The following SCN8A variants were observed in gnomAD, a reference collection of about 807,000 sequenced individuals.
The protein encoded by SCN8A is sodium channel protein type 8 subunit alpha.
A neutral mutation model predicts 184.1 loss-of-function variants in SCN8A; 30 were observed. The observed-to-expected ratio is 0.16, with a 90% CI of 0.12 to 0.22. The LOEUF (loss-of-function observed/expected upper bound fraction) is 0.22, where lower values mean the gene tolerates loss of function less well. Ranked by LOEUF, SCN8A falls within the 10% of genes least tolerant of loss-of-function variation. The pLI is 1.00. For synonymous variants in SCN8A, 852 were observed against 907.0 expected (o/e 0.94, Z 1.09); for missense variants, 1,057 against 2,498.9 (o/e 0.42, Z 12.30).
rs562941935 is a variant in SCN8A, at chr12:51,618,015, C to CTCT, written c.-55+26658_-55+26660dup. ...ATATACAGCCTTATTGAGCTCCTTT[C>CTCT]TCTTGTTGTTTCCCAGACTTTCCAG... On this transcript the variant is annotated intron_variant, in intron 1 of 26. Transcript: ENST00000627620. 1.1e-4 allele frequency among the ~76,000 whole-genome samples: 17 copies of CTCT among 152,248 alleles called. No homozygotes were observed. In the East Asian group the frequency reaches 1.7e-3, roughly 16 times the overall value.
intron 20 of SCN8A, among the ~76,000 whole-genome samples, chr12:51,779,403 T>G (rs554304845): frequency 6.6e-6 from 1 of 152,266 alleles, no homozygotes; most frequent in East Asian, 1.9e-4. Context: ...AGAGCTCTGG[T>G]AGAACAAGGT....
rs755154133 is a variant in SCN8A, at chr12:51,706,429, C to T, written c.1349C>T (p.Ala450Val). ...KKQQEEAQAA[A>V]MATSAGTVSE... is the part of the protein sequence containing the mutation. ...CTGTGGCTTCTTTCCTAGGCTGCTG[C>T]GATGGCCACTTCAGCAGGAACTGTC... The change falls in exon 11 of 27, where the codon GCG (alanine) becomes GTG (valine). Residue 450 changes from alanine (A) to valine (V), a missense_variant. By Grantham distance (64) the Ala-to-Val change is moderately conservative (BLOSUM62 0). Coordinates refer to ENST00000627620, the MANE Select transcript of SCN8A (RefSeq NM_001330260.2). 1.3e-5 allele frequency: 21 copies of T among 1,581,298 alleles called. 1 individual carries two copies. The highest frequency in any genetic ancestry group is 2.3e-5 in the East Asian group (1 of 43,898).
intron 21 of SCN8A, among the ~76,000 whole-genome samples, chr12:51,781,658 A>ACG (rs761801369): frequency 6.6e-6 from 1 of 152,070 alleles, no homozygotes; most frequent in Non-Finnish European, 1.5e-5. Flanking sequence ...ACGCGCACGC[A>ACG]CGCGCACACA....
At chr12:51,725,061 G>A (rs1286625188) in intron 12 of SCN8A, among the ~76,000 whole-genome samples, 1 of 152,190 alleles carries the variant, frequency 6.6e-6, no homozygotes, top group Non-Finnish European at 1.5e-5. Context: ...TGAGGATGGT[G>A]ACAGACTTGA....
At chr12:51,768,731 A>G in intron 16 of SCN8A, 134 bp from the exon 17 acceptor site, 1 of 655,476 alleles carries the variant, frequency 1.5e-6, no homozygotes, top group Non-Finnish European at 2.5e-6. Context: ...TTAAAATACT[A>G]CGTGGGCCAA....
intron 11 of SCN8A, chr12:51,712,420 G>A (rs1287707575): frequency 9.3e-6 from 7 of 756,244 alleles, no homozygotes; most frequent in Admixed American, 3.5e-5. Flanking sequence ...ACAGCTCCTC[G>A]CGCTCTCTCC....
intron 1 of SCN8A, among the ~76,000 whole-genome samples, chr12:51,634,512 GTTA>G (rs1377836350): frequency 6.6e-6 from 1 of 152,052 alleles, no homozygotes; most frequent in African/African-American, 2.4e-5. Flanking sequence ...ACTTTTGAAT[GTTA>G]TTGGCAAAGG....
In SCN8A at chr12:51,721,710, C is replaced by T. The variant is rs753062719; in HGVS notation, c.1800C>T (p.Ser600=). The T allele has an allele frequency of 1.3e-6, 2 of 1,591,148 alleles. No individual in the cohort carries two copies. Among genetic ancestry groups the T allele is most frequent in the Non-Finnish European group, 8.6e-7 (1 of 1,169,012 alleles). Residue 600 remains serine, a synonymous_variant, in exon 12 of 27, where the codon TCC becomes TCT. Transcript: ENST00000627620. ...TVEESEGRRD[S]LFIPIRARER... ...AGGAGAGCGAGGGCCGCCGGGACTC[C>T]CTCTTCATCCCCATCCGGGCCCGCG...
rs1238374537 is a variant in SCN8A, at chr12:51,609,827, A to AG, written c.-55+18474dup. 9.3e-3 allele frequency among the ~76,000 whole-genome samples: 154 copies of AG among 16,560 alleles called. 1 individual carries two copies. The highest frequency in any genetic ancestry group is 0.013 in the Non-Finnish European group (120 of 9,038). 10.9% of individuals were successfully genotyped at this position (16,560 alleles called of 152,430 possible). A position where few individuals can be genotyped will look rare whatever the true frequency, so the allele number is the denominator to read the frequency against. On this transcript the variant is annotated intron_variant, in intron 1 of 26. Coordinates refer to ENST00000627620, the MANE Select transcript of SCN8A (RefSeq NM_001330260.2). ...CCGGGGCCTGTTGTGGGGTGTGGGG[A>AG]GGGGGGAGGGGGGAGGGATAGCATT...
intron 1 of SCN8A, among the ~76,000 whole-genome samples, chr12:51,598,795 C>T (rs990982636): frequency 2.0e-5 from 3 of 152,042 alleles, no homozygotes; most frequent in Non-Finnish European, 4.4e-5. Flanking sequence ...ATATTGTCTC[C>T]CCCTGCTCCT....
At chr12:51,645,925 C>CAGT in intron 1 of SCN8A, among the ~76,000 whole-genome samples, 1 of 129,374 alleles carries the variant, frequency 7.7e-6, no homozygotes, top group African/African-American at 3.1e-5. Context: ...TCCCCCTCTG[C>CAGT]GAGAAACACC....
chr12:51,692,398 T>C (rs1167317636), intron 6 of SCN8A, among the ~76,000 whole-genome samples: 2 of 152,206 alleles, frequency 1.3e-5, no homozygotes, highest in Admixed American at 6.5e-5. Flanking sequence ...CTCTGCCCTT[T>C]TCTGTAAGAA....
At chr12:51,603,662 A>G (rs935419196) in intron 1 of SCN8A, among the ~76,000 whole-genome samples, 1 of 152,190 alleles carries the variant, frequency 6.6e-6, no homozygotes, top group Admixed American at 6.5e-5. Context: ...GCAGTGTATG[A>G]GAGTTCAGCA....
chr12:51,767,630 A>T (rs7976351), intron 16 of SCN8A, among the ~76,000 whole-genome samples: 12,222 of 152,266 alleles, frequency 0.08, 920 homozygotes, highest in African/African-American at 0.2. Context: ...TCACAAAAAA[A>T]GGCCAAGTCC....
At chr12:51,620,113 T>C (rs577398728) in intron 1 of SCN8A, among the ~76,000 whole-genome samples, 4 of 152,318 alleles carry the variant, frequency 2.6e-5, no homozygotes, top group South Asian at 2.1e-4. Flanking sequence ...AGTTGTCATT[T>C]AGGGTTGTTT....
chr12:51,619,273 A>G (rs982082932), intron 1 of SCN8A, among the ~76,000 whole-genome samples: 2 of 152,228 alleles, frequency 1.3e-5, no homozygotes, highest in African/African-American at 4.8e-5. Context: ...CATTTATTTA[A>G]TAAGTCCTTT....
intron 1 of SCN8A, among the ~76,000 whole-genome samples, chr12:51,629,783 A>G (rs1940160258): frequency 2.6e-5 from 4 of 152,088 alleles, no homozygotes. Context: ...AGAGGTGGGA[A>G]GGAGAAGCTG....
intron 2 of SCN8A, among the ~76,000 whole-genome samples, chr12:51,678,815 C>T (rs1941271085): frequency 6.7e-6 from 1 of 149,254 alleles, no homozygotes; most frequent in Admixed American, 6.7e-5. Flanking sequence ...TGGTGGCTCA[C>T]GCCTGTAATC....
intron 1 of SCN8A, among the ~76,000 whole-genome samples, chr12:51,619,734 T>G (rs982201380): frequency 6.6e-6 from 1 of 152,178 alleles, no homozygotes; most frequent in Non-Finnish European, 1.5e-5. Flanking sequence ...GTCAACAAGC[T>G]GTGAAAAGAA....
Sources: allele counts gnomAD v4.1 joint callset (sites outside exome capture counted in the v4.1 genomes callset), GRCh38; gene constraint gnomAD v4.1.1; transcripts MANE v1.5; gene names NCBI Gene and HGNC (gene_info 2026-07-23, HGNC 2026-07-21).